NEGR1: variants seen among roughly 807,000 people sequenced by gnomAD.
NEGR1 encodes neuronal growth regulator 1, also known as IgLON family member 4.
In NEGR1, 10 loss-of-function variants were observed where a neutral mutation model predicts 40.9. The ratio of observed to expected loss-of-function variants is 0.24; its 90% CI spans 0.15 to 0.42. NEGR1 has a LOEUF of 0.42. NEGR1 is among the 10% of genes least tolerant of loss of function. The pLI is 1.00. For missense variants in NEGR1, 352 were observed against 438.9 expected (o/e 0.80, Z 1.77); for synonymous variants, 185 against 166.8 (o/e 1.11, Z -0.84).
At chr1:71,488,676 C>T (rs1039325530) in intron 6 of NEGR1, among the ~76,000 whole-genome samples, 3 of 151,548 alleles carry the variant, frequency 2.0e-5, no homozygotes, top group African/African-American at 7.3e-5. Flanking sequence ...GCATGAACTA[C>T]CTATATCCCT....
intron 1 of NEGR1, among the ~76,000 whole-genome samples, chr1:71,955,188 C>T (rs971841777): frequency 5.9e-5 from 9 of 152,048 alleles, no homozygotes; most frequent in Admixed American, 2.6e-4. Flanking sequence ...GTATGTTACA[C>T]GGAGTTGTCT....
chr1:71,814,975 C>G (rs1302434290), intron 2 of NEGR1, among the ~76,000 whole-genome samples: 1 of 151,960 alleles, frequency 6.6e-6, no homozygotes, highest in Non-Finnish European at 1.5e-5. Flanking sequence ...TCTTGGTTCC[C>G]TAGTTATTTT....
intron 2 of NEGR1, among the ~76,000 whole-genome samples, chr1:71,829,485 A>G (rs187235335): frequency 9.3e-4 from 142 of 151,974 alleles, no homozygotes; most frequent in Admixed American, 2.4e-3. Flanking sequence ...TGCTGCCTAC[A>G]GCTCTGCAAT....
chr1:71,416,680 T>C (rs941930006), intron 6 of NEGR1, among the ~76,000 whole-genome samples: 2 of 152,236 alleles, frequency 1.3e-5, no homozygotes, highest in African/African-American at 4.8e-5. Context: ...TAAGACCTTC[T>C]GTAAACTTTC....
At chr1:71,833,661 C>T (rs6683448) in intron 2 of NEGR1, among the ~76,000 whole-genome samples, 89,363 of 151,822 alleles carry the variant, frequency 0.59, 26,969 homozygotes, top group Admixed American at 0.68. Flanking sequence ...CAGCACTTGA[C>T]TCGGGCTTCT....
intron 2 of NEGR1, among the ~76,000 whole-genome samples, chr1:71,788,245 G>A (rs1211723839): frequency 6.6e-6 from 1 of 152,056 alleles, no homozygotes; most frequent in Non-Finnish European, 1.5e-5. Flanking sequence ...ACATGTGCCA[G>A]TTCTCTCTGA....
At chr1:71,835,432 A>C (rs1658992517) in intron 2 of NEGR1, among the ~76,000 whole-genome samples, 1 of 152,150 alleles carries the variant, frequency 6.6e-6, no homozygotes, top group Non-Finnish European at 1.5e-5. Context: ...TAGGATATGC[A>C]TAAGGGCAAT....
chr1:72,009,115 G>A (rs1646634924), intron 1 of NEGR1, among the ~76,000 whole-genome samples: 1 of 151,834 alleles, frequency 6.6e-6, no homozygotes, highest in South Asian at 2.1e-4. Flanking sequence ...TACCATTACA[G>A]AATGGTAATA....
intron 1 of NEGR1, among the ~76,000 whole-genome samples, chr1:72,136,344 A>T (rs1343116667): frequency 1.3e-5 from 2 of 152,104 alleles, no homozygotes; most frequent in African/African-American, 4.8e-5. Flanking sequence ...AGTCGATTGC[A>T]GTTTTAAGTA....
rs1478244644 is a variant in NEGR1, at chr1:72,224,550, T to C, written c.176+57769A>G. Among the ~76,000 whole-genome samples the C allele has an allele frequency of 9.9e-5, 15 of 152,250 alleles. No homozygotes were observed. The East Asian group carries it at 2.9e-3, about 29-fold the overall frequency. On this transcript the variant is annotated intron_variant, in intron 1 of 6. Transcript: ENST00000357731. ...TAACTTCCCCATGAGGTGGGTGCTATTATGATTCTTATTCATTGTAAGCTT... is the reference window on the plus strand; with the variant it reads ...TAACTTCCCCATGAGGTGGGTGCTACTATGATTCTTATTCATTGTAAGCTT...
chr1:71,853,618 T>G (rs559103056), intron 2 of NEGR1, among the ~76,000 whole-genome samples: 1 of 152,010 alleles, frequency 6.6e-6, no homozygotes, highest in Non-Finnish European at 1.5e-5. Flanking sequence ...CTAGAGAAAA[T>G]TGAGGCTGAC....
intron 6 of NEGR1, among the ~76,000 whole-genome samples, chr1:71,509,201 C>T (rs1439599624): frequency 1.2e-4 from 18 of 152,170 alleles, no homozygotes; most frequent in Admixed American, 1.1e-3. Context: ...GGTTCCGTTT[C>T]CCCTAGGATG....
chr1:71,728,211 G>T (rs1654736306), intron 3 of NEGR1, among the ~76,000 whole-genome samples: 2 of 152,062 alleles, frequency 1.3e-5, no homozygotes, highest in South Asian at 4.1e-4. Flanking sequence ...GACCAGGGTG[G>T]GTGGAATGTT....
chr1:72,107,766 C>A (rs778142909), intron 1 of NEGR1, among the ~76,000 whole-genome samples: 1 of 150,864 alleles, frequency 6.6e-6, no homozygotes, highest in South Asian at 2.1e-4. Flanking sequence ...GTACACCATA[C>A]GTACATCCAC....
chr1:71,424,182 A>G (rs1646415184), intron 6 of NEGR1, among the ~76,000 whole-genome samples: 2 of 152,176 alleles, frequency 1.3e-5, no homozygotes, highest in South Asian at 4.1e-4. Flanking sequence ...AATCAATTCA[A>G]TCATAGACAT....
At chr1:71,925,473 A>G (rs77911036) in intron 2 of NEGR1, among the ~76,000 whole-genome samples, 2,507 of 152,264 alleles carry the variant, frequency 0.016, 80 homozygotes, top group African/African-American at 0.057. Flanking sequence ...CCTCACTCTA[A>G]TTCTGCAAAC....
chr1:71,763,726 AGGGCTG>A (rs1163301450), intron 3 of NEGR1, among the ~76,000 whole-genome samples: 19 of 146,706 alleles, frequency 1.3e-4, no homozygotes, highest in Non-Finnish European at 2.5e-4. Flanking sequence ...AGGAAAATAA[AGGGCTG>A]ATGCATATTT....
intron 1 of NEGR1, among the ~76,000 whole-genome samples, chr1:72,158,350 G>C (rs932153867): frequency 6.6e-6 from 1 of 152,188 alleles, no homozygotes; most frequent in Non-Finnish European, 1.5e-5. Context: ...GTTCCTTTTA[G>C]TGTAGCTCTC....
intron 2 of NEGR1, among the ~76,000 whole-genome samples, chr1:71,811,396 G>T (rs1052654028): frequency 6.6e-6 from 1 of 152,002 alleles, no homozygotes; most frequent in African/African-American, 2.4e-5. Flanking sequence ...TTCTTCATTT[G>T]TATAGGTGGT....
Sources: gnomAD v4.1 joint callset for allele counts (sites outside exome capture counted in the v4.1 genomes callset) on GRCh38, gnomAD v4.1.1 for gene constraint, MANE v1.5 for transcripts, NCBI Gene and HGNC (gene_info 2026-07-23, HGNC 2026-07-21) for gene names.